Variants in USP49 observed in about 807,000 individuals in gnomAD.
USP49 encodes the protein ubiquitin carboxyl-terminal hydrolase 49.
USP49 carries 24 observed loss-of-function variants against 58.6 expected under a neutral mutation model. The observed-to-expected ratio is 0.41, with a 90% CI of 0.30 to 0.58. USP49 has a LOEUF of 0.58. Among genes scored for constraint, USP49 ranks in the 20% least tolerant of loss-of-function variants. USP49 has a pLI of 0.30. For missense variants in USP49, 703 were observed against 866.1 expected (o/e 0.81, Z 2.36); for synonymous variants, 408 against 365.1 (o/e 1.12, Z -1.34).
intron 3 of USP49, among the ~76,000 whole-genome samples, chr6:41,850,543 TATAAG>T (rs1249933061): frequency 6.6e-6 from 1 of 151,186 alleles, no homozygotes; most frequent in African/African-American, 2.4e-5. Context: ...TAAAAAGGAT[TATAAG>T]AGACTACTAT....
chr6:41,850,501 G>T (rs1426132716), intron 3 of USP49, among the ~76,000 whole-genome samples: 2 of 150,878 alleles, frequency 1.3e-5, no homozygotes, highest in East Asian at 3.9e-4. Context: ...AATCAGAAAT[G>T]AAAGGGGAAA....
chr6:41,844,237 A>C (rs190695849), intron 3 of USP49, among the ~76,000 whole-genome samples: 366 of 152,236 alleles, frequency 2.4e-3, no homozygotes, highest in Non-Finnish European at 3.9e-3. Flanking sequence ...AATAAAAAAT[A>C]AATAAGCAAA....
rs1772938005 is a variant in USP49, at chr6:41,798,743, A to G, written c.1857T>C (p.Tyr619=). 1.2e-6 allele frequency: 2 copies of G among 1,613,966 alleles called. No individual in the cohort carries two copies. The highest frequency in any genetic ancestry group is 1.7e-6 in the Non-Finnish European group (2 of 1,180,032). ...KGFGSGHYTA[Y]CYNTEGGFWV... is the part of the protein sequence containing the mutation. ...ACGCACCTCCCTCTGTGTTGTAGCAATAGGCTGTGTAGTGTCCTGAGCCAA... is the reference window on the plus strand; with the variant it reads ...ACGCACCTCCCTCTGTGTTGTAGCAGTAGGCTGTGTAGTGTCCTGAGCCAA... Residue 619 remains tyrosine, a synonymous_variant, in exon 7 of 8, where the codon TAT becomes TAC. Coordinates refer to ENST00000682992, the MANE Select transcript of USP49 (RefSeq NM_001286554.2).
chr6:41,836,302 C>A (rs189396238), intron 3 of USP49, among the ~76,000 whole-genome samples: 5 of 152,208 alleles, frequency 3.3e-5, no homozygotes, highest in Admixed American at 3.3e-4. Context: ...GCAGAAAAGA[C>A]TTCTGATAAA....
intron 2 of USP49, among the ~76,000 whole-genome samples, chr6:41,877,477 T>G (rs1774521805): frequency 6.6e-6 from 1 of 152,210 alleles, no homozygotes. Flanking sequence ...TCATCCATTA[T>G]TGTGTCCTGT....
chr6:41,885,594 T>C (rs892626426), intron 2 of USP49, among the ~76,000 whole-genome samples: 2 of 151,798 alleles, frequency 1.3e-5, no homozygotes, highest in African/African-American at 4.8e-5. Flanking sequence ...AGGTCAGGAG[T>C]TCGAGATCAG....
chr6:41,817,882 C>T (rs1056097481), intron 3 of USP49, among the ~76,000 whole-genome samples: 1 of 152,142 alleles, frequency 6.6e-6, no homozygotes, highest in Non-Finnish European at 1.5e-5. Context: ...TCCCAAAGTA[C>T]TGGGATTACA....
intron 5 of USP49, among the ~76,000 whole-genome samples, chr6:41,800,160 CTG>C (rs1300107914): frequency 2.0e-5 from 3 of 152,138 alleles, no homozygotes; most frequent in East Asian, 1.9e-4. Context: ...AAAGGAATGA[CTG>C]TGTGGGACTC....
At chr6:41,890,020 T>G (rs1435435959) in intron 2 of USP49, among the ~76,000 whole-genome samples, 1 of 152,190 alleles carries the variant, frequency 6.6e-6, no homozygotes, top group Non-Finnish European at 1.5e-5. Context: ...TAGGGCTGTT[T>G]CAAATTTCAA....
intron 2 of USP49, among the ~76,000 whole-genome samples, chr6:41,890,799 T>A (rs1302623877): frequency 6.6e-6 from 1 of 152,218 alleles, no homozygotes; most frequent in Non-Finnish European, 1.5e-5. Flanking sequence ...ATATTTGCAC[T>A]GAAATCTGAA....
At chr6:41,833,969 TA>T (rs1773680301) in intron 3 of USP49, among the ~76,000 whole-genome samples, 2 of 152,210 alleles carry the variant, frequency 1.3e-5, no homozygotes, top group African/African-American at 4.8e-5. Flanking sequence ...ACATGTTGAG[TA>T]TATTAAGTGG....
chr6:41,796,438 T>C lies in USP49; in HGVS notation c.*95A>G. The C allele has an allele frequency of 1.6e-6, 1 of 637,730 alleles. No homozygotes were observed. Among genetic ancestry groups the C allele is most frequent in the Non-Finnish European group, 2.9e-6 (1 of 346,986 alleles). 39.5% of individuals were successfully genotyped at this position (637,730 alleles called of 1,614,324 possible). ...TACTCTAGACCCAGCAAGGCAAACC[T>C]AGTAATCTGTTCCTGCAGTAGCCTT... is the stretch of plus-strand genomic sequence containing the variant. On this transcript the variant is annotated 3_prime_UTR_variant, in exon 8 of 8. Transcript: ENST00000682992.
chr6:41,811,649 C>T (rs1773259250), intron 3 of USP49, among the ~76,000 whole-genome samples: 1 of 152,064 alleles, frequency 6.6e-6, no homozygotes, highest in African/African-American at 2.4e-5. Context: ...TCTTAGTGGT[C>T]AAAAGTATTC....
At chr6:41,826,323 A>C (rs371147786) in intron 3 of USP49, among the ~76,000 whole-genome samples, 71 of 148,304 alleles carry the variant, frequency 4.8e-4, no homozygotes, top group Middle Eastern at 3.4e-3. Flanking sequence ...ACTATGAATA[A>C]GAAACATCCT....
chr6:41,800,732 C>A (rs1313666510), intron 5 of USP49, among the ~76,000 whole-genome samples: 1 of 152,158 alleles, frequency 6.6e-6, no homozygotes, highest in Admixed American at 6.5e-5. Context: ...TAATGCATAT[C>A]TTTCAGGCTT....
chr6:41,802,460 A>ATT (rs71545916), intron 5 of USP49, among the ~76,000 whole-genome samples: 10 of 71,386 alleles, frequency 1.4e-4, no homozygotes, highest in South Asian at 8.7e-4. Context: ...TTATTTATTT[A>ATT]TTTATTTATT....
In USP49 at chr6:41,796,712, G is replaced by A; in HGVS notation, c.1888C>T (p.His630Tyr). ...ACATTCAGCTTTGAGTCATTGCAGT[G>A]GACCCAAAAACCTAGGAAACCAAAG... is the stretch of plus-strand genomic sequence containing the variant. The part of the protein sequence containing the change: ...CYNTEGGFWV[H>Y]CNDSKLNVCS... Residue 630 changes from histidine (H) to tyrosine (Y), a missense_variant, in exon 8 of 8, where the codon CAC (histidine) becomes TAC (tyrosine). His to Tyr is a moderately conservative substitution (Grantham distance 83). Transcript: ENST00000682992. The A allele has an allele frequency of 2.8e-6, 2 of 716,794 alleles. No individual in the cohort carries two copies. Among genetic ancestry groups the A allele is most frequent in the Non-Finnish European group, 5.2e-6 (2 of 384,886 alleles). The allele number at this position is 716,794 out of a possible 1,614,324, so 44.4% of individuals were successfully genotyped here.
In USP49 at chr6:41,806,484, G is replaced by A. The variant is rs1304279608; in HGVS notation, c.500C>T (p.Ala167Val). 1.3e-6 allele frequency: 2 copies of A among 1,597,652 alleles called. No individual in the cohort carries two copies. The highest frequency in any genetic ancestry group is 1.7e-6 in the Non-Finnish European group (2 of 1,179,100). The change falls in exon 4 of 8, where the codon GCG becomes GTG. Residue 167 changes from alanine to valine, a missense_variant. Around this residue, in one of 6 missense-constraint regions of USP49, gnomAD observed 376 missense variants for 373.5 expected, o/e 1.01. Transcript: ENST00000682992. This position sits in a 1 kb window ranked among gnomAD's most constrained non-coding sequence, Gnocchi z 5.9. ...CTCCTGCCGCCGCTGCTCCAGCTTC[G>A]CCTGGCCCCGGGAGCTCTTCTCGAA... ...LWFEKSSRGQ[A>V]KLEQRRQEEA...
chr6:41,884,869 T>C (rs970800865), intron 2 of USP49, among the ~76,000 whole-genome samples: 3 of 152,196 alleles, frequency 2.0e-5, no homozygotes, highest in African/African-American at 4.8e-5. Flanking sequence ...TTAAAATAAA[T>C]GTTTTACATA....
Sources: allele counts gnomAD v4.1 joint callset (sites outside exome capture counted in the v4.1 genomes callset), GRCh38; gene constraint gnomAD v4.1.1; regional missense constraint gnomAD v4.1.1; non-coding constraint Gnocchi (gnomAD v3.1); transcripts MANE v1.5; gene names NCBI Gene and HGNC (gene_info 2026-07-23, HGNC 2026-07-21).